Variants in MAP4K3 observed in about 807,000 individuals in gnomAD.
MAP4K3 encodes mitogen-activated protein kinase kinase kinase kinase 3.
In MAP4K3, 94 loss-of-function variants were observed where a neutral mutation model predicts 143.5. That is an observed-to-expected ratio of 0.65 (90% CI 0.55 to 0.78). The LOEUF is 0.78. Ranked by LOEUF, MAP4K3 falls within the 30% of genes least tolerant of loss-of-function variation. The pLI, the probability that MAP4K3 is intolerant of heterozygous loss-of-function variation, is 0.00. For missense variants in MAP4K3, 1,077 were observed against 1,068.1 expected, an observed-to-expected ratio of 1.01 and a Z score of -0.12; for synonymous variants, 416 against 347.2, an observed-to-expected ratio of 1.20 and a Z score of -2.20.
intron 1 of MAP4K3, among the ~76,000 whole-genome samples, chr2:39,435,041 A>T (rs111580183): frequency 0.011 from 1,699 of 152,294 alleles, 17 homozygotes; most frequent in Non-Finnish European, 0.018. Flanking sequence ...AATTCACTGT[A>T]TACCCTGCCA....
intron 1 of MAP4K3, among the ~76,000 whole-genome samples, chr2:39,424,164 G>A (rs1015772005): frequency 4.6e-5 from 7 of 151,978 alleles, no homozygotes; most frequent in African/African-American, 7.3e-5. Flanking sequence ...GGCTGGTCTC[G>A]AACTCCTGAC....
At chr2:39,281,243 C>T (rs1681513826) in intron 22 of MAP4K3, among the ~76,000 whole-genome samples, 1 of 152,172 alleles carries the variant, frequency 6.6e-6, no homozygotes, top group Non-Finnish European at 1.5e-5. Context: ...TCCTCACAAA[C>T]ACGGAGGTAA....
intron 1 of MAP4K3, among the ~76,000 whole-genome samples, chr2:39,403,727 G>A (rs927073491): frequency 2.0e-5 from 3 of 151,768 alleles, no homozygotes; most frequent in Admixed American, 6.6e-5. Context: ...TGGACTTGGG[G>A]GGCATGCAAG....
chr2:39,337,397 T>C (rs1323549564), intron 5 of MAP4K3, 129 bp downstream of exon 5: 2 of 590,592 alleles, frequency 3.4e-6, no homozygotes, highest in Non-Finnish European at 6.0e-6. Context: ...TTTTCAAATG[T>C]ATTAAAACTC....
chr2:39,408,911 T>C (rs1233697493), intron 1 of MAP4K3, among the ~76,000 whole-genome samples: 1 of 152,216 alleles, frequency 6.6e-6, no homozygotes, highest in Admixed American at 6.5e-5. Context: ...CCTCCCATGA[T>C]ACAGGCACTG....
intron 1 of MAP4K3, among the ~76,000 whole-genome samples, chr2:39,390,240 G>C (rs1666615316): frequency 6.6e-6 from 1 of 152,150 alleles, no homozygotes. Context: ...TTAAAGTCCT[G>C]TTGTGCCTTC....
intron 1 of MAP4K3, among the ~76,000 whole-genome samples, chr2:39,396,242 T>C (rs931060682): frequency 6.6e-6 from 1 of 151,470 alleles, no homozygotes. Flanking sequence ...GGTCTCACGA[T>C]GTTGCTCAGG....
chr2:39,305,671 C>A (rs771447348), intron 15 of MAP4K3, among the ~76,000 whole-genome samples: 1 of 152,150 alleles, frequency 6.6e-6, no homozygotes. Flanking sequence ...TGTCACAAGA[C>A]CCCTGTCAAA....
intron 1 of MAP4K3, among the ~76,000 whole-genome samples, chr2:39,385,720 C>T (rs1225559332): frequency 6.6e-6 from 1 of 150,974 alleles, no homozygotes; most frequent in African/African-American, 2.4e-5. Flanking sequence ...ACCTCCGCCT[C>T]CCGGGTTCAA....
chr2:39,345,459 TCA>T (rs1301540785), intron 3 of MAP4K3, among the ~76,000 whole-genome samples: 1 of 152,024 alleles, frequency 6.6e-6, no homozygotes, highest in Non-Finnish European at 1.5e-5. Flanking sequence ...CAGCCATAGG[TCA>T]CATATGGTTG....
At chr2:39,409,201 C>G (rs1014103034) in intron 1 of MAP4K3, among the ~76,000 whole-genome samples, 1 of 152,098 alleles carries the variant, frequency 6.6e-6, no homozygotes, top group Non-Finnish European at 1.5e-5. Flanking sequence ...TTCGCCTTTC[C>G]TTTTCTGTAG....
At chr2:39,265,770 C>A (rs560110333) in intron 27 of MAP4K3, among the ~76,000 whole-genome samples, 29 of 152,146 alleles carry the variant, frequency 1.9e-4, no homozygotes. Context: ...GTCTATCTTC[C>A]CCCTTTTGAT....
chr2:39,363,582 T>C (rs528911956), intron 2 of MAP4K3, among the ~76,000 whole-genome samples: 20 of 148,728 alleles, frequency 1.3e-4, no homozygotes, highest in Admixed American at 6.2e-4. Flanking sequence ...GGTGGGAGAA[T>C]TGCTTGAACC....
At chr2:39,427,584 C>A (rs767122003) in intron 1 of MAP4K3, among the ~76,000 whole-genome samples, 1 of 152,152 alleles carries the variant, frequency 6.6e-6, no homozygotes, top group Admixed American at 6.5e-5. Flanking sequence ...CACATACTGA[C>A]CAGAAAGAGA....
chr2:39,315,667 T>C (rs1683092444), intron 12 of MAP4K3: 2 of 382,292 alleles, frequency 5.2e-6, no homozygotes, highest in Non-Finnish European at 9.6e-6. Context: ...ATTAGTAACA[T>C]ATTCTTATTT....
At chr2:39,268,983 A>G (rs1680896317) in intron 26 of MAP4K3, among the ~76,000 whole-genome samples, 1 of 152,044 alleles carries the variant, frequency 6.6e-6, no homozygotes, top group Non-Finnish European at 1.5e-5. Flanking sequence ...CTGGTCTCAA[A>G]TTCCTGAGGC....
chr2:39,422,690 T>C (rs1255153162), intron 1 of MAP4K3, among the ~76,000 whole-genome samples: 1 of 152,108 alleles, frequency 6.6e-6, no homozygotes, highest in Non-Finnish European at 1.5e-5. Flanking sequence ...CAAATAGTAC[T>C]GGAACAACTG....
At chr2:39,398,860 T>C (rs1246104718) in intron 1 of MAP4K3, among the ~76,000 whole-genome samples, 5 of 151,148 alleles carry the variant, frequency 3.3e-5, no homozygotes, top group Non-Finnish European at 7.4e-5. Context: ...CTGGCCAACA[T>C]GGCGAAACCC....
At position 39,272,329 on chromosome 2, in the gene MAP4K3, G is replaced by C. The variant is rs1474383979; in HGVS notation, c.1927C>G (p.Pro643Ala). 16 of 1,613,612 alleles carry C rather than the reference G, an allele frequency of 9.9e-6. No individual in the cohort carries two copies. The highest frequency in any genetic ancestry group is 1.3e-5 in the Non-Finnish European group (15 of 1,179,814). ...AGTTTGTGTGCTGGAATAGCAACAG[G>C]TAACTTTTGCATTTGTCTTGCATAA... ...FDYARQMQKLPVAIPAHKLPD... is the reference protein window; with the variant it reads ...FDYARQMQKLAVAIPAHKLPD... Residue 643 changes from proline (P) to alanine (A), a missense_variant, in exon 26 of 34, where the codon CCT (proline) becomes GCT (alanine). By Grantham distance (27) the Pro-to-Ala change is conservative. Transcript: ENST00000263881.
Sources: gnomAD v4.1 joint callset for allele counts (sites outside exome capture counted in the v4.1 genomes callset) on GRCh38, gnomAD v4.1.1 for gene constraint, MANE v1.5 for transcripts, NCBI Gene and HGNC (gene_info 2026-07-23, HGNC 2026-07-21) for gene names.